ELMO1: variants seen among roughly 807,000 people sequenced by gnomAD.
ELMO1 encodes the protein engulfment and cell motility protein 1.
Under a neutral mutation model 98.9 loss-of-function variants are expected in ELMO1, and 26 were observed. The observed-to-expected ratio is 0.26, with a 90% CI of 0.19 to 0.36. ELMO1 has a LOEUF of 0.36. Among genes scored for constraint, ELMO1 ranks in the 10% least tolerant of loss-of-function variants. ELMO1 has a pLI of 1.00. For synonymous variants in ELMO1, 346 were observed against 346.0 expected (o/e 1.00, Z 0.00); for missense variants, 627 against 935.2 (o/e 0.67, Z 4.30).
intron 6 of ELMO1, among the ~76,000 whole-genome samples, chr7:37,250,246 T>C (rs991976502): frequency 1.3e-5 from 2 of 152,134 alleles, no homozygotes; most frequent in Non-Finnish European, 2.9e-5. Flanking sequence ...ACAGTACGCA[T>C]GCAACAAAAA....
intron 14 of ELMO1, among the ~76,000 whole-genome samples, chr7:37,127,872 C>T (rs559414225): frequency 6.6e-6 from 1 of 152,124 alleles, no homozygotes; most frequent in East Asian, 1.9e-4. Context: ...TTCAGTAGTT[C>T]CCAGTGAATA....
chr7:37,140,617 T>C (rs928949703), intron 13 of ELMO1, among the ~76,000 whole-genome samples: 3 of 151,756 alleles, frequency 2.0e-5, no homozygotes, highest in Admixed American at 1.3e-4. Flanking sequence ...TGGGAGAAAA[T>C]ATTCACAATC....
At chr7:36,986,891 A>G (rs1032463545) in intron 16 of ELMO1, among the ~76,000 whole-genome samples, 3 of 152,188 alleles carry the variant, frequency 2.0e-5, no homozygotes, top group Admixed American at 6.5e-5. Context: ...AAACAAACAT[A>G]AACAGCCTCT....
chr7:37,293,415 T>TTA (rs1321138620), intron 4 of ELMO1, among the ~76,000 whole-genome samples: 1 of 83,346 alleles, frequency 1.2e-5, no homozygotes, highest in Non-Finnish European at 2.9e-5. Flanking sequence ...ATCGGTGACC[T>TTA]TACCCCCAAC....
intron 13 of ELMO1, among the ~76,000 whole-genome samples, chr7:37,186,725 C>G (rs1158015113): frequency 1.3e-5 from 2 of 152,156 alleles, no homozygotes; most frequent in South Asian, 2.1e-4. Flanking sequence ...ATATTATTAG[C>G]CATCTGGTAA....
intron 16 of ELMO1, among the ~76,000 whole-genome samples, chr7:36,937,596 A>G (rs543644268): frequency 1.3e-5 from 2 of 152,210 alleles, no homozygotes; most frequent in Non-Finnish European, 2.9e-5. Flanking sequence ...CTTATTCAGA[A>G]ACATGTAATG....
At chr7:37,161,932 A>ATATATATATATATATATATATATATG in intron 13 of ELMO1, among the ~76,000 whole-genome samples, 1 of 114,370 alleles carries the variant, frequency 8.7e-6, no homozygotes, top group Non-Finnish European at 1.9e-5. Context: ...ATATATATAT[A>ATATATATATATATATATATATATATG]TATGTTAAGC....
At chr7:37,113,516 T>C (rs934131382) in intron 14 of ELMO1, among the ~76,000 whole-genome samples, 3 of 152,104 alleles carry the variant, frequency 2.0e-5, no homozygotes, top group Admixed American at 2.0e-4. Flanking sequence ...CAGAGACTAA[T>C]GGAAGTGAGG....
intron 1 of ELMO1, chr7:37,435,205 G>C (rs1202622776): frequency 6.6e-6 from 1 of 152,126 alleles, no homozygotes; most frequent in African/African-American, 2.4e-5. Flanking sequence ...TACTTCACTT[G>C]ACTAGCCTTG....
At chr7:37,390,080 T>C (rs1413103758) in intron 1 of ELMO1, among the ~76,000 whole-genome samples, 3 of 151,962 alleles carry the variant, frequency 2.0e-5, no homozygotes, top group Non-Finnish European at 4.4e-5. Flanking sequence ...GAAATGTCTG[T>C]GTATAGGCTA....
chr7:37,086,658 G>A (rs772821990), intron 15 of ELMO1, among the ~76,000 whole-genome samples: 8 of 147,362 alleles, frequency 5.4e-5, no homozygotes, highest in African/African-American at 7.6e-5. Context: ...CAAGAGAATC[G>A]CTTGAACCCA....
chr7:37,375,711 C>G (rs1467615695), intron 1 of ELMO1: 18 of 1,255,372 alleles, frequency 1.4e-5, no homozygotes, highest in Admixed American at 1.0e-4. Context: ...AACAGTTTGC[C>G]TGGAGACACT....
At chr7:37,326,598 T>C (rs536511303) in intron 2 of ELMO1, among the ~76,000 whole-genome samples, 1 of 152,210 alleles carries the variant, frequency 6.6e-6, no homozygotes, top group East Asian at 1.9e-4. Flanking sequence ...CTGCCACCTT[T>C]TTCTTGACAA....
chr7:36,949,737 T>TC (rs1187958592), intron 16 of ELMO1, among the ~76,000 whole-genome samples: 1 of 151,840 alleles, frequency 6.6e-6, no homozygotes, highest in African/African-American at 2.4e-5. Flanking sequence ...TCCTTCCTGT[T>TC]CACTGTAGAA....
chr7:36,986,784 C>G (rs1791543265), intron 16 of ELMO1, among the ~76,000 whole-genome samples: 1 of 152,180 alleles, frequency 6.6e-6, no homozygotes, highest in East Asian at 1.9e-4. Context: ...GGCATGCACA[C>G]CAGGGGTGCT....
intron 15 of ELMO1, among the ~76,000 whole-genome samples, chr7:37,089,343 T>C (rs1562993291): frequency 6.6e-6 from 1 of 152,194 alleles, no homozygotes; most frequent in Non-Finnish European, 1.5e-5. Flanking sequence ...GTAGGTTTCT[T>C]TCTTGCTTTT....
intron 1 of ELMO1, among the ~76,000 whole-genome samples, chr7:37,404,399 A>G (rs1396831493): frequency 2.0e-5 from 3 of 152,056 alleles, no homozygotes; most frequent in Non-Finnish European, 4.4e-5. Context: ...ATTTGGTCCT[A>G]TCATGGCCAC....
chr7:37,127,823 T>C (rs965436801), intron 14 of ELMO1, among the ~76,000 whole-genome samples: 8 of 152,210 alleles, frequency 5.3e-5, no homozygotes, highest in African/African-American at 9.7e-5. Context: ...TTGGCCAGCA[T>C]AGGTCTTCAG....
intron 4 of ELMO1, among the ~76,000 whole-genome samples, chr7:37,310,817 C>T (rs1798851861): frequency 6.6e-6 from 1 of 152,166 alleles, no homozygotes; most frequent in Non-Finnish European, 1.5e-5. Flanking sequence ...ACCTGTACAA[C>T]CCCCACAAGT....
Sources: allele counts gnomAD v4.1 joint callset (sites outside exome capture counted in the v4.1 genomes callset), GRCh38; gene constraint gnomAD v4.1.1; transcripts MANE v1.5; gene names NCBI Gene and HGNC (gene_info 2026-07-23, HGNC 2026-07-21).